Variants in STYXL2 observed in about 807,000 individuals in gnomAD.
STYXL2 encodes serine/threonine/tyrosine-interacting-like protein 2.
In STYXL2, 44 loss-of-function variants were observed where a neutral mutation model predicts 52.4. The observed-to-expected ratio is 0.84, with a 90% CI of 0.66 to 1.08. STYXL2 has a LOEUF of 1.08. STYXL2 is among the 50% of genes least tolerant of loss of function. The probability of loss-of-function intolerance (pLI) is 0.00; values close to 1 mark genes in which losing one functional copy is unlikely to be tolerated. For synonymous variants in STYXL2, 604 were observed against 586.9 expected (o/e 1.03, Z -0.42); for missense variants, 1,604 against 1,471.7 (o/e 1.09, Z -1.47).
intron 1 of STYXL2, 104 bp downstream of exon 1, chr1:167,094,298 A>G: frequency 6.4e-6 from 1 of 156,814 alleles, no homozygotes; most frequent in Non-Finnish European, 1.4e-5. Flanking sequence ...GATGGCTGGG[A>G]CCAGCTGCTG....
chr1:167,124,813 C>T (rs1294832602), intron 5 of STYXL2, among the ~76,000 whole-genome samples: 1 of 152,078 alleles, frequency 6.6e-6, no homozygotes, highest in East Asian at 1.9e-4. Flanking sequence ...ACATATCCTC[C>T]CATATTGCAA....
At chr1:167,101,291 A>G (rs1193398590) in intron 2 of STYXL2, among the ~76,000 whole-genome samples, 1 of 152,210 alleles carries the variant, frequency 6.6e-6, no homozygotes, top group Non-Finnish European at 1.5e-5. Flanking sequence ...TTACATTACT[A>G]TTAAAATATC....
intron 2 of STYXL2, among the ~76,000 whole-genome samples, chr1:167,110,814 C>A (rs945914980): frequency 6.6e-6 from 1 of 152,196 alleles, no homozygotes; most frequent in African/African-American, 2.4e-5. Context: ...ACATCCTTTC[C>A]CAGCCCCTTA....
chr1:167,117,279 G>A (rs766654484), intron 3 of STYXL2, 49 bp from the exon 4 acceptor site: 3 of 1,479,306 alleles, frequency 2.0e-6, no homozygotes, highest in South Asian at 1.2e-5. Context: ...AACAAGGAAG[G>A]CCATGATGTT....
rs1668031877 is a variant in STYXL2, at chr1:167,128,797, C to T, written c.*189C>T. 3.3e-6 allele frequency: 3 copies of T among 898,720 alleles called. No homozygotes were observed. The highest frequency in any genetic ancestry group is 4.8e-6 in the Non-Finnish European group (3 of 621,166). The allele number at this position is 898,720 out of a possible 1,614,324, so 55.7% of individuals were successfully genotyped here. The stretch of plus-strand genomic sequence containing the variant: ...AGGGAGGAGGCAAGGAGGGGGAGAA[C>T]CATCAATACGAATACGAGGTCCGAA... On this transcript the variant is annotated 3_prime_UTR_variant, in exon 6 of 6. Transcript: ENST00000361200.
At position 167,127,408 on chromosome 1, in the gene STYXL2, G is replaced by A. The variant is rs139214807; in HGVS notation, c.2277G>A (p.Ala759=). The A allele has an allele frequency of 4.2e-5, 68 of 1,614,002 alleles. No individual in the cohort carries two copies. Among genetic ancestry groups the A allele is most frequent in the Non-Finnish European group, 5.1e-5 (60 of 1,180,016 alleles). ...PSVASMKAVP[A]ASCLGDDQVS... ...TTGCAAGCATGAAGGCAGTACCAGCGGCTAGCTGCCTGGGGGATGACCAAG... is the reference window on the plus strand; with the variant it reads ...TTGCAAGCATGAAGGCAGTACCAGCAGCTAGCTGCCTGGGGGATGACCAAG... The change falls in exon 6 of 6, where the codon GCG becomes GCA. Residue 759 remains alanine (A), a synonymous_variant. Coordinates refer to ENST00000361200, the MANE Select transcript of STYXL2 (RefSeq NM_001080426.3).
At position 167,128,597 on chromosome 1, in the gene STYXL2, A is replaced by T; in HGVS notation, c.3466A>T (p.Arg1156Trp). ...EETRTKLQKR[R>W]ED is the part of the protein sequence containing the mutation. Reference sequence around the variant, plus strand: ...AACCAGGACCAAGCTGCAGAAAAGGAGGGAGGACTGAGCTGGGGAAAATCT... The same window carrying T: ...AACCAGGACCAAGCTGCAGAAAAGGTGGGAGGACTGAGCTGGGGAAAATCT... The change falls in exon 6 of 6, where the codon AGG becomes TGG. Residue 1156 changes from arginine (R) to tryptophan (W), a missense_variant. Coordinates refer to ENST00000361200, the MANE Select transcript of STYXL2 (RefSeq NM_001080426.3). The T allele has an allele frequency of 6.2e-7, 1 of 1,611,534 alleles. No individual in the cohort carries two copies.
Position 167,117,345 on chromosome 1 carries a change from G to C in STYXL2, c.223G>C (p.Val75Leu). The change falls in exon 4 of 6, where the codon GTC (valine) becomes CTC (leucine). Residue 75 changes from valine to leucine, a missense_variant. By Grantham distance (32) the Val-to-Leu change is conservative. Transcript: ENST00000361200. ...IINEELKPPGVRADAECPGML... is the reference protein window; with the variant it reads ...IINEELKPPGLRADAECPGML... ...TCCTCTAGAACTCAAGCCACCGGGG[G>C]TCAGAGCAGACGCAGAGTGTCCAGG... The C allele has an allele frequency of 6.2e-7, 1 of 1,609,656 alleles. No homozygotes were observed. The highest frequency in any genetic ancestry group is 2.2e-5 in the East Asian group (1 of 44,674).
intron 5 of STYXL2, among the ~76,000 whole-genome samples, chr1:167,125,019 A>T (rs1349628278): frequency 6.6e-6 from 1 of 152,210 alleles, no homozygotes; most frequent in African/African-American, 2.4e-5. Context: ...TAGTAAGGGA[A>T]CATGAGAAGA....
chr1:167,108,533 C>T (rs867607700), intron 2 of STYXL2, among the ~76,000 whole-genome samples: 10 of 152,100 alleles, frequency 6.6e-5, no homozygotes, highest in South Asian at 2.1e-4. Context: ...CAACCGCTAT[C>T]GTAAAACTCT....
In STYXL2 at chr1:167,126,234, A is replaced by T. The variant is rs200522320; in HGVS notation, c.1103A>T (p.Asp368Val). Residue 368 changes from aspartate (D) to valine (V), a missense_variant, in exon 6 of 6, where the codon GAT becomes GTT. Coordinates refer to ENST00000361200, the MANE Select transcript of STYXL2 (RefSeq NM_001080426.3). ...CTCCTCTCAGACAAGGTCCCCCAGG[A>T]TGGAGGTGGCTGGCGCTCAGCCTCC... Reference protein sequence around the residue: ...QGLLSDKVPQDGGGWRSASSG... With the variant: ...QGLLSDKVPQVGGGWRSASSG... 2.6e-6 allele frequency: 4 copies of T among 1,547,588 alleles called. No homozygotes were observed. Among genetic ancestry groups the T allele is most frequent in the African/African-American group, 1.4e-5 (1 of 72,952 alleles).
chr1:167,101,915 G>A (rs1180104516), intron 2 of STYXL2, among the ~76,000 whole-genome samples: 1 of 152,098 alleles, frequency 6.6e-6, no homozygotes, highest in African/African-American at 2.4e-5. Flanking sequence ...AATGACGAGT[G>A]AATGGATAAA....
intron 2 of STYXL2, among the ~76,000 whole-genome samples, chr1:167,095,710 G>A (rs1667271397): frequency 1.3e-5 from 2 of 152,206 alleles, no homozygotes; most frequent in Non-Finnish European, 2.9e-5. Flanking sequence ...ATCATAACAG[G>A]AGACCTGACT....
intron 5 of STYXL2, among the ~76,000 whole-genome samples, chr1:167,122,604 A>G (rs1177675874): frequency 6.6e-6 from 1 of 152,094 alleles, no homozygotes; most frequent in African/African-American, 2.4e-5. Context: ...TAGAGAATTC[A>G]AATCCAGGCT....
At chr1:167,112,213 T>C (rs1484651095) in intron 2 of STYXL2, among the ~76,000 whole-genome samples, 1 of 152,176 alleles carries the variant, frequency 6.6e-6, no homozygotes, top group Non-Finnish European at 1.5e-5. Context: ...TCTCAGATAC[T>C]ATGGATGATG....
chr1:167,114,568 C>T (rs950304), intron 3 of STYXL2, among the ~76,000 whole-genome samples: 3,009 of 152,228 alleles, frequency 0.02, 126 homozygotes, highest in African/African-American at 0.069. Flanking sequence ...ATTAGAATCA[C>T]ATGCTACTCT....
chr1:167,126,935 A>G lies in STYXL2; in HGVS notation c.1804A>G (p.Ser602Gly). 6.2e-7 allele frequency: 1 copy of G among 1,611,630 alleles called. No individual in the cohort carries two copies. Among genetic ancestry groups the G allele is most frequent in the Non-Finnish European group, 8.5e-7 (1 of 1,178,798 alleles). ...GCTGAAACACCAGAAGAAGGTGGGC[A>G]GTGAGAACAAGGAGGAGGTGGTGGA... ...WKLKHQKKVGSENKEEVVELS... is the reference protein window; with the variant it reads ...WKLKHQKKVGGENKEEVVELS... The change falls in exon 6 of 6, where the codon AGT becomes GGT. Residue 602 changes from serine (S) to glycine (G), a missense_variant. Physicochemically the swap from Ser to Gly is moderately conservative, Grantham distance 56. Coordinates refer to ENST00000361200, the MANE Select transcript of STYXL2 (RefSeq NM_001080426.3).
chr1:167,124,359 A>G (rs1667919183), intron 5 of STYXL2, among the ~76,000 whole-genome samples: 1 of 152,206 alleles, frequency 6.6e-6, no homozygotes, highest in Admixed American at 6.5e-5. Context: ...TGCTGCAAAG[A>G]TATAATACTG....
chr1:167,124,087 T>C (rs895366327), intron 5 of STYXL2, among the ~76,000 whole-genome samples: 1 of 149,300 alleles, frequency 6.7e-6, no homozygotes, highest in African/African-American at 2.6e-5. Context: ...TTTGTTTTTG[T>C]TTTTTTTAGA....
Sources: gnomAD v4.1 joint callset for allele counts (sites outside exome capture counted in the v4.1 genomes callset) on GRCh38, gnomAD v4.1.1 for gene constraint, MANE v1.5 for transcripts, NCBI Gene and HGNC (gene_info 2026-07-23, HGNC 2026-07-21) for gene names.